Variants in HPSE2 observed in about 807,000 individuals in gnomAD.
The protein encoded by HPSE2 is inactive heparanase-2.
A neutral mutation model predicts 60.5 loss-of-function variants in HPSE2; 38 were observed. The observed-to-expected ratio is 0.63, with a 90% confidence interval of 0.48 to 0.82. The LOEUF is 0.82. Among genes scored for constraint, HPSE2 ranks in the 40% least tolerant of loss-of-function variants. HPSE2 has a pLI of 0.00. For synonymous variants in HPSE2, 295 were observed against 293.2 expected, an observed-to-expected ratio of 1.01 and a Z score of -0.06; for missense variants, 713 against 740.4, an observed-to-expected ratio of 0.96 and a Z score of 0.43.
chr10:99,024,625 T>A (rs1352707724), intron 3 of HPSE2, among the ~76,000 whole-genome samples: 1 of 151,904 alleles, frequency 6.6e-6, no homozygotes, highest in African/African-American at 2.4e-5. Context: ...AGGCATTTAA[T>A]AATCAAACTC....
intron 2 of HPSE2, among the ~76,000 whole-genome samples, chr10:99,200,646 A>G (rs1447615828): frequency 6.8e-6 from 1 of 147,908 alleles, no homozygotes. Context: ...TTCATATTAA[A>G]TGTTTTAATA....
At chr10:99,311,552 C>A in the HPSE2 span, among the ~76,000 whole-genome samples, 1 of 152,144 alleles carries the variant, frequency 6.6e-6, no homozygotes, top group Non-Finnish European at 1.5e-5. Flanking sequence ...ACAAACTTAA[C>A]CAATAAATGT....
intron 6 of HPSE2, among the ~76,000 whole-genome samples, chr10:98,664,921 A>G (rs1947323606): frequency 6.6e-6 from 1 of 152,070 alleles, no homozygotes; most frequent in Non-Finnish European, 1.5e-5. Context: ...TATAATAGCC[A>G]CCCCAACCCC....
intron 3 of HPSE2, among the ~76,000 whole-genome samples, chr10:99,028,788 G>T (rs548422415): frequency 1.3e-5 from 2 of 151,990 alleles, no homozygotes; most frequent in East Asian, 3.9e-4. Context: ...AAAAACAGAC[G>T]CATAGATCAA....
intron 3 of HPSE2, among the ~76,000 whole-genome samples, chr10:98,890,310 T>A (rs1482895800): frequency 6.6e-6 from 1 of 151,964 alleles, no homozygotes; most frequent in Admixed American, 6.6e-5. Flanking sequence ...AAAAAATAAC[T>A]GAAAAAAACC....
chr10:98,669,128 T>A (rs1052800394), intron 6 of HPSE2, among the ~76,000 whole-genome samples: 16 of 66,806 alleles, frequency 2.4e-4, no homozygotes, highest in African/African-American at 4.7e-4. Flanking sequence ...ACAAACATAT[T>A]AAAAAATACT....
intron 6 of HPSE2, among the ~76,000 whole-genome samples, chr10:98,683,596 G>C (rs1313004726): frequency 3.3e-5 from 5 of 151,968 alleles, no homozygotes. Context: ...CAACATGTAA[G>C]TTTCAACAGA....
intron 9 of HPSE2, 21 bp from the exon 10 acceptor site, chr10:98,490,217 G>A (rs1450082160): frequency 6.2e-7 from 1 of 1,613,080 alleles, no homozygotes; most frequent in East Asian, 2.2e-5. Context: ...TAGAGAGGGA[G>A]AGGGTCAGCG....
intron 4 of HPSE2, among the ~76,000 whole-genome samples, chr10:98,729,531 C>T (rs1271640725): frequency 1.3e-5 from 2 of 152,046 alleles, no homozygotes; most frequent in Non-Finnish European, 2.9e-5. Context: ...ATGGCGTGAA[C>T]CTGATAGGTG....
intron 3 of HPSE2, among the ~76,000 whole-genome samples, chr10:98,905,170 T>A (rs916139816): frequency 3.9e-5 from 6 of 152,204 alleles, no homozygotes; most frequent in African/African-American, 1.2e-4. Context: ...TCTTTTTTTT[T>A]TTATTATACT....
At chr10:98,876,971 C>T (rs745675144) in intron 3 of HPSE2, among the ~76,000 whole-genome samples, 1 of 151,712 alleles carries the variant, frequency 6.6e-6, no homozygotes, top group South Asian at 2.1e-4. Context: ...TCTGTTACAC[C>T]TCTGAAGTTT....
At chr10:98,764,459 T>C (rs1291811205) in intron 3 of HPSE2, among the ~76,000 whole-genome samples, 1 of 152,144 alleles carries the variant, frequency 6.6e-6, no homozygotes, top group East Asian at 1.9e-4. Flanking sequence ...AATGTAAACG[T>C]ACCAAAAAGT....
At chr10:98,572,120 T>C (rs902193607) in intron 9 of HPSE2, among the ~76,000 whole-genome samples, 3 of 152,030 alleles carry the variant, frequency 2.0e-5, no homozygotes, top group Non-Finnish European at 4.4e-5. Flanking sequence ...TTTGTATTTT[T>C]AGTAGAGATG....
intron 9 of HPSE2, among the ~76,000 whole-genome samples, chr10:98,596,864 T>A (rs1945253688): frequency 6.6e-6 from 1 of 152,196 alleles, no homozygotes. Flanking sequence ...CTGGAGACTG[T>A]ATTAATTCGT....
In HPSE2 at chr10:98,778,264, C is replaced by CAGACAGAGAGAGAGAG. The variant is rs1950385087; in HGVS notation, c.611-34209_611-34208insCTCTCTCTCTCTGTCT. 4.4e-5 allele frequency among the ~76,000 whole-genome samples: 5 copies of CAGACAGAGAGAGAGAG among 112,654 alleles called. No homozygotes were observed. The South Asian group carries it at 1.4e-3, about 31-fold the overall frequency. The allele number at this position is 112,654 out of a possible 152,430, so 73.9% of individuals were successfully genotyped here. On this transcript the variant is annotated intron_variant, in intron 3 of 11. Transcript: ENST00000370552. ...TGCAGGATGCTCAGTGAGAGAGAGA[C>CAGACAGAGAGAGAGAG]AGAGAGAGAGAGAGAGAGAGAGAGA...
chr10:99,032,325 G>A lies in HPSE2; in HGVS notation c.610+111913C>T, dbSNP rs576110663. On this transcript the variant is annotated intron_variant, in intron 3 of 11. Transcript: ENST00000370552. ...AGAAGGGGTGGAAAGAAAAAAAATC[G>A]TCAAATAAGAAACTATGAGTACATG... Among the ~76,000 whole-genome samples, 22 of 152,078 alleles carry A rather than the reference G, an allele frequency of 1.4e-4. No homozygotes were observed. In the South Asian group the frequency reaches 3.3e-3, roughly 23 times the overall value.
chr10:98,841,808 A>ATT (rs373906376), intron 3 of HPSE2, among the ~76,000 whole-genome samples: 23 of 143,288 alleles, frequency 1.6e-4, no homozygotes, highest in African/African-American at 3.5e-4. Flanking sequence ...ATTCCTTGTA[A>ATT]TTTTTTTTTT....
intron 2 of HPSE2, among the ~76,000 whole-genome samples, chr10:99,202,104 T>C (rs947803701): frequency 6.6e-6 from 1 of 152,188 alleles, no homozygotes; most frequent in African/African-American, 2.4e-5. Flanking sequence ...TCACATCTGA[T>C]ATATAGATAG....
chr10:99,091,796 T>G (rs1843524310), intron 3 of HPSE2, among the ~76,000 whole-genome samples: 1 of 152,186 alleles, frequency 6.6e-6, no homozygotes, highest in African/African-American at 2.4e-5. Flanking sequence ...GCCGTATCAT[T>G]TTTTCTCATC....
Sources: allele counts gnomAD v4.1 joint callset (sites outside exome capture counted in the v4.1 genomes callset), GRCh38; gene constraint gnomAD v4.1.1; transcripts MANE v1.5; gene names NCBI Gene and HGNC (gene_info 2026-07-23, HGNC 2026-07-21).